Variants in FOXP1 observed in about 807,000 individuals in gnomAD.
FOXP1 encodes the protein forkhead box protein P1.
FOXP1 carries 15 observed loss-of-function variants against 98.2 expected under a neutral mutation model. The ratio of observed to expected loss-of-function variants is 0.15; its 90% CI spans 0.10 to 0.24. The LOEUF is 0.24. Ranked by LOEUF, FOXP1 falls within the 10% of genes least tolerant of loss-of-function variation. The probability of loss-of-function intolerance (pLI) is 1.00; values close to 1 mark genes in which losing one functional copy is unlikely to be tolerated. For missense variants in FOXP1, 633 were observed against 848.5 expected (o/e 0.75, Z 3.15); for synonymous variants, 371 against 314.5 (o/e 1.18, Z -1.90).
intron 11 of FOXP1, among the ~76,000 whole-genome samples, chr3:71,039,560 G>T (rs945925138): frequency 6.6e-6 from 1 of 152,078 alleles, no homozygotes; most frequent in Non-Finnish European, 1.5e-5. Flanking sequence ...AACAGCCGAT[G>T]AGATTGCCAC....
intron 4 of FOXP1, among the ~76,000 whole-genome samples, chr3:71,341,599 T>A (rs1357772305): frequency 6.6e-6 from 1 of 152,162 alleles, no homozygotes; most frequent in Non-Finnish European, 1.5e-5. Flanking sequence ...CTCGGGAGGC[T>A]GAAGCAGGAG....
At chr3:71,038,118 G>A (rs1398854633) in intron 11 of FOXP1, among the ~76,000 whole-genome samples, 2 of 152,172 alleles carry the variant, frequency 1.3e-5, no homozygotes, top group Non-Finnish European at 2.9e-5. Context: ...CAAAATGCAC[G>A]GGGGCAAGAG....
intron 7 of FOXP1, among the ~76,000 whole-genome samples, chr3:71,090,353 A>G (rs1042411201): frequency 1.3e-5 from 2 of 152,194 alleles, no homozygotes; most frequent in Admixed American, 6.5e-5. Context: ...CCCGTTTTTC[A>G]TAAGTGCAGT....
chr3:71,062,151 CA>C (rs1035871243), intron 7 of FOXP1, among the ~76,000 whole-genome samples: 2 of 151,078 alleles, frequency 1.3e-5, no homozygotes, highest in African/African-American at 2.4e-5. Flanking sequence ...CTACAAACAA[CA>C]AAAAAAAATT....
intron 2 of FOXP1, among the ~76,000 whole-genome samples, chr3:71,560,856 C>T (rs553084147): frequency 6.6e-6 from 1 of 152,152 alleles, no homozygotes; most frequent in East Asian, 1.9e-4. Context: ...ATAGGCAAAC[C>T]TATAGAAACA....
At chr3:71,304,872 A>C (rs1486879652) in intron 4 of FOXP1, 1 of 152,204 alleles carries the variant, frequency 6.6e-6, no homozygotes, top group Non-Finnish European at 1.5e-5. Flanking sequence ...TCTTCTGTTG[A>C]AAAGAGTTAC....
intron 4 of FOXP1, among the ~76,000 whole-genome samples, chr3:71,323,447 T>C (rs1180738060): frequency 6.6e-6 from 1 of 151,806 alleles, no homozygotes; most frequent in Admixed American, 6.6e-5. Context: ...ACAGAATCAA[T>C]GAGACCTACA....
intron 11 of FOXP1, among the ~76,000 whole-genome samples, chr3:71,031,765 G>A (rs1177080746): frequency 6.6e-6 from 1 of 151,812 alleles, no homozygotes; most frequent in Non-Finnish European, 1.5e-5. Context: ...AAAAAGAGGT[G>A]GGGAAGAGAG....
chr3:71,285,860 T>G (rs886779071), intron 5 of FOXP1, among the ~76,000 whole-genome samples: 5 of 152,186 alleles, frequency 3.3e-5, no homozygotes, highest in African/African-American at 1.2e-4. Flanking sequence ...AGTTTCATCT[T>G]CAGTAAATAT....
rs146312532 is a variant in FOXP1, at chr3:71,157,277, G to C, written c.180+40925C>G. 2.8e-3 allele frequency among the ~76,000 whole-genome samples: 430 copies of C among 152,304 alleles called. 2 individuals carry two copies. The highest frequency in any genetic ancestry group is 9.8e-3 in the African/African-American group (408 of 41,572). On this transcript the variant is annotated intron_variant, in intron 6 of 20. Transcript: ENST00000649528. ...TTCAGGAGAGGGAGGGGATGGAGGA[G>C]AGAATAACACAGAAAGGACTTCTCA...
intron 3 of FOXP1, among the ~76,000 whole-genome samples, chr3:71,395,281 C>T (rs1008531286): frequency 1.3e-5 from 2 of 150,404 alleles, no homozygotes; most frequent in Admixed American, 6.7e-5. Flanking sequence ...CGGCGTCTTG[C>T]GACCCTGGTT....
intron 7 of FOXP1, among the ~76,000 whole-genome samples, chr3:71,109,534 T>C (rs1265799085): frequency 6.6e-6 from 1 of 152,072 alleles, no homozygotes; most frequent in Non-Finnish European, 1.5e-5. Flanking sequence ...CTCAGTGTAG[T>C]TATGAAGGGT....
intron 3 of FOXP1, among the ~76,000 whole-genome samples, chr3:71,419,196 C>T (rs1214408523): frequency 2.6e-5 from 3 of 117,574 alleles, no homozygotes; most frequent in Non-Finnish European, 4.9e-5. Flanking sequence ...GATTGCACTA[C>T]TGCACTCCAG....
chr3:71,421,435 A>G (rs2083639395), intron 3 of FOXP1, among the ~76,000 whole-genome samples: 1 of 152,228 alleles, frequency 6.6e-6, no homozygotes, highest in Admixed American at 6.5e-5. Flanking sequence ...CAATCTAGTT[A>G]TCTTTTTATT....
intron 4 of FOXP1, among the ~76,000 whole-genome samples, chr3:71,300,281 A>AT (rs569061093): frequency 5.3e-4 from 80 of 152,152 alleles, no homozygotes; most frequent in African/African-American, 1.9e-3. Flanking sequence ...GCAAAGACTT[A>AT]TTTTTTTCCC....
chr3:71,101,328 A>T (rs1486621016), intron 7 of FOXP1, among the ~76,000 whole-genome samples: 1 of 152,060 alleles, frequency 6.6e-6, no homozygotes, highest in Non-Finnish European at 1.5e-5. Flanking sequence ...GTCTGGAGGC[A>T]CCCATGTGTG....
chr3:71,293,180 A>G (rs373954625), intron 5 of FOXP1, among the ~76,000 whole-genome samples: 1 of 152,210 alleles, frequency 6.6e-6, no homozygotes. Flanking sequence ...GAAAGGCTCT[A>G]TTTCCTACAT....
chr3:71,582,885 C>A (rs968332667), intron 1 of FOXP1: 1 of 880,404 alleles, frequency 1.1e-6, no homozygotes, highest in Non-Finnish European at 1.4e-6. Context: ...CGGGGAAGTT[C>A]CCCAGTGCGG....
chr3:71,181,200 T>A (rs1321173629), intron 6 of FOXP1, among the ~76,000 whole-genome samples: 2 of 152,148 alleles, frequency 1.3e-5, no homozygotes, highest in Non-Finnish European at 2.9e-5. Context: ...ATAAAGCGGA[T>A]GAGGTGGGCT....
Sources: allele counts gnomAD v4.1 joint callset (sites outside exome capture counted in the v4.1 genomes callset), GRCh38; gene constraint gnomAD v4.1.1; transcripts MANE v1.5; gene names NCBI Gene and HGNC (gene_info 2026-07-23, HGNC 2026-07-21).